The following ZRANB3 variants were observed in gnomAD, a reference collection of about 807,000 sequenced individuals.
ZRANB3 encodes zinc finger RANBP2-type containing 3, also known as DNA annealing helicase and endonuclease ZRANB3.
A neutral mutation model predicts 133.8 loss-of-function variants in ZRANB3; 125 were observed. The ratio of observed to expected loss-of-function variants is 0.93; its 90% CI spans 0.81 to 1.08. The LOEUF (loss-of-function observed/expected upper bound fraction) is 1.08. Among genes scored for constraint, ZRANB3 ranks in the 50% least tolerant of loss-of-function variants. The pLI, the probability that ZRANB3 is intolerant of heterozygous loss-of-function variation, is 0.00. For missense variants in ZRANB3, 1,229 were observed against 1,275.5 expected (o/e 0.96, Z 0.56); for synonymous variants, 387 against 432.7 (o/e 0.89, Z 1.31).
intron 8 of ZRANB3, among the ~76,000 whole-genome samples, chr2:135,284,629 G>C (rs530379952): frequency 3.3e-5 from 5 of 151,976 alleles, no homozygotes; most frequent in African/African-American, 1.2e-4. Context: ...CTGTCACCAC[G>C]CCCGGCTAAT....
chr2:135,321,512 C>T (rs1481663328), intron 6 of ZRANB3, among the ~76,000 whole-genome samples: 7 of 142,916 alleles, frequency 4.9e-5, no homozygotes, highest in Non-Finnish European at 7.5e-5. Flanking sequence ...CTCATTCTGT[C>T]GCCCAAACTG....
At chr2:135,238,676 ACTTCTGAGG>A (rs2105079700) in intron 12 of ZRANB3, 1 of 152,484 alleles carries the variant, frequency 6.6e-6, no homozygotes, top group East Asian at 1.9e-4. Flanking sequence ...ATGCTGTGTG[ACTTCTGAGG>A]CTAGGTCATT....
At chr2:135,377,199 T>C (rs904049171) in intron 3 of ZRANB3, among the ~76,000 whole-genome samples, 1 of 152,222 alleles carries the variant, frequency 6.6e-6, no homozygotes. Context: ...AATGTGTGTG[T>C]ACAGCATCTG....
At chr2:135,304,944 G>A (rs1012260162) in intron 8 of ZRANB3, among the ~76,000 whole-genome samples, 1 of 151,888 alleles carries the variant, frequency 6.6e-6, no homozygotes, top group Non-Finnish European at 1.5e-5. Context: ...AGTTTTACAA[G>A]TTTTATTCGT....
At chr2:135,272,927 C>T (rs762043767) in intron 9 of ZRANB3, among the ~76,000 whole-genome samples, 4 of 151,848 alleles carry the variant, frequency 2.6e-5, no homozygotes, top group Non-Finnish European at 4.4e-5. Flanking sequence ...CTCACTTCTG[C>T]AATCCCAGCA....
chr2:135,204,245 T>C (rs562874881), intron 19 of ZRANB3, among the ~76,000 whole-genome samples: 2 of 152,274 alleles, frequency 1.3e-5, no homozygotes, highest in East Asian at 3.9e-4. Flanking sequence ...TTAGAAGAAA[T>C]GTATTGATTT....
At chr2:135,214,777 C>A (rs893742886) in intron 17 of ZRANB3, among the ~76,000 whole-genome samples, 1 of 152,108 alleles carries the variant, frequency 6.6e-6, no homozygotes, top group Admixed American at 6.5e-5. Flanking sequence ...AAATGACACA[C>A]GCCCATGGGA....
At chr2:135,315,594 C>A in intron 6 of ZRANB3, 64 bp from the exon 7 acceptor site, 1 of 1,154,868 alleles carries the variant, frequency 8.7e-7, no homozygotes, top group Non-Finnish European at 1.1e-6. Flanking sequence ...ATAATTTATC[C>A]AATGTGCTCT....
intron 6 of ZRANB3, among the ~76,000 whole-genome samples, chr2:135,334,338 T>C (rs577160077): frequency 4.6e-5 from 7 of 152,334 alleles, no homozygotes; most frequent in Middle Eastern, 3.4e-3. Flanking sequence ...TATTGATAAA[T>C]AGGTGAGGGT....
rs1331562834 is a variant in ZRANB3 at position 135,389,660 on chromosome 2, G to A, written c.180+1142C>T. On this transcript the variant is annotated intron_variant, in intron 3 of 20. Transcript: ENST00000264159. ...GCAGAGGTTGCAGTGAGCCGAGATC[G>A]TGCCATTGCACTGCAGCCTGGGCGA... Among the ~76,000 whole-genome samples, 5 of 152,018 alleles carry A rather than the reference G, an allele frequency of 3.3e-5. No homozygotes were observed. The East Asian group carries it at 7.8e-4, about 24-fold the overall frequency.
chr2:135,461,723 G>A (rs540629029), intron 2 of ZRANB3, among the ~76,000 whole-genome samples: 7 of 152,232 alleles, frequency 4.6e-5, no homozygotes, highest in Middle Eastern at 3.4e-3. Context: ...ACGTAGCATC[G>A]TAGGCACTGG....
At chr2:135,504,061 C>A in intron 2 of ZRANB3, 2 of 427,582 alleles carry the variant, frequency 4.7e-6, no homozygotes, top group Non-Finnish European at 4.3e-6. Flanking sequence ...TTCTAGAAAA[C>A]TGTCAATATA....
chr2:135,354,921 C>A (rs577006048), intron 3 of ZRANB3, among the ~76,000 whole-genome samples: 1 of 152,028 alleles, frequency 6.6e-6, no homozygotes, highest in South Asian at 2.1e-4. Context: ...TGAATTATAC[C>A]TCAATAATCC....
At chr2:135,345,930 CTTAAA>C (rs1684901494) in intron 5 of ZRANB3, among the ~76,000 whole-genome samples, 1 of 152,096 alleles carries the variant, frequency 6.6e-6, no homozygotes, top group Admixed American at 6.5e-5. Context: ...GTCTCAGACA[CTTAAA>C]TTACACGTGT....
intron 2 of ZRANB3, among the ~76,000 whole-genome samples, chr2:135,436,883 T>C (rs1689559413): frequency 6.6e-6 from 1 of 152,152 alleles, no homozygotes; most frequent in Non-Finnish European, 1.5e-5. Flanking sequence ...GGCTAGAGAA[T>C]TTTCATAGCA....
At chr2:135,419,978 C>A (rs551511196) in intron 2 of ZRANB3, among the ~76,000 whole-genome samples, 143 of 150,854 alleles carry the variant, frequency 9.5e-4, no homozygotes, top group Middle Eastern at 3.4e-3. Flanking sequence ...ATTTTGGAAA[C>A]TTTAACTCGC....
At chr2:135,448,060 T>C (rs1383312106) in intron 2 of ZRANB3, among the ~76,000 whole-genome samples, 1 of 152,190 alleles carries the variant, frequency 6.6e-6, no homozygotes, top group Middle Eastern at 3.2e-3. Context: ...CAAATATGTA[T>C]GCTAAATTAC....
chr2:135,261,829 T>A (rs1679979074), intron 12 of ZRANB3, among the ~76,000 whole-genome samples: 1 of 152,064 alleles, frequency 6.6e-6, no homozygotes, highest in African/African-American at 2.4e-5. Context: ...TCTATTGACT[T>A]TATTGTAGAC....
intron 3 of ZRANB3, among the ~76,000 whole-genome samples, chr2:135,386,367 A>T (rs569639271): frequency 1.3e-5 from 2 of 152,366 alleles, no homozygotes; most frequent in South Asian, 4.1e-4. Flanking sequence ...AATGTGGAGA[A>T]ATAGGAATGC....
Sources: allele counts gnomAD v4.1 joint callset (sites outside exome capture counted in the v4.1 genomes callset), GRCh38; gene constraint gnomAD v4.1.1; transcripts MANE v1.5; gene names NCBI Gene and HGNC (gene_info 2026-07-23, HGNC 2026-07-21).